The following LAPTM4B variants were observed in gnomAD, a reference collection of about 807,000 sequenced individuals.
LAPTM4B encodes the protein lysosomal protein transmembrane 4 beta, also known as lysosomal-associated transmembrane protein 4B.
Under a neutral mutation model 28.5 loss-of-function variants are expected in LAPTM4B, and 26 were observed. That is an observed-to-expected ratio of 0.91 (90% CI 0.67 to 1.27). The LOEUF is 1.27. Among genes scored for constraint, LAPTM4B ranks in the 50% most tolerant of loss-of-function variants. LAPTM4B has a pLI of 0.00. For missense variants in LAPTM4B, 288 were observed against 285.8 expected, an observed-to-expected ratio of 1.01 and a Z score of -0.06; for synonymous variants, 109 against 106.4, an observed-to-expected ratio of 1.02 and a Z score of -0.15.
intron 3 of LAPTM4B, 40 bp downstream of exon 3, chr8:97,815,441 C>CTCT: frequency 9.0e-6 from 12 of 1,338,882 alleles, no homozygotes; most frequent in Non-Finnish European, 1.3e-5. Flanking sequence ...TTTCCTTGGT[C>CTCT]TCTTACATGT....
At position 97,775,842 on chromosome 8, in the gene LAPTM4B, G is replaced by T; in HGVS notation, c.-168G>T. On this transcript the variant is annotated 5_prime_UTR_variant, in exon 1 of 7. Transcript: ENST00000521545. Reference sequence around the variant, plus strand: ...AGCGAAGGGTACCGACCCGGCAGAAGCTCGGAGCTCTCGGGGTATCGAGGA... The same window carrying T: ...AGCGAAGGGTACCGACCCGGCAGAATCTCGGAGCTCTCGGGGTATCGAGGA... The T allele has an allele frequency of 6.5e-7, 1 of 1,541,828 alleles. No individual in the cohort carries two copies. The highest frequency in any genetic ancestry group is 8.7e-7 in the Non-Finnish European group (1 of 1,149,582).
chr8:97,817,011 T>C (rs1038995556), intron 4 of LAPTM4B, among the ~76,000 whole-genome samples: 1 of 152,214 alleles, frequency 6.6e-6, no homozygotes, highest in African/African-American at 2.4e-5. Context: ...CAAATTTGTT[T>C]GACCATAGAA....
At chr8:97,808,531 A>G (rs892980049) in intron 2 of LAPTM4B, among the ~76,000 whole-genome samples, 9 of 152,206 alleles carry the variant, frequency 5.9e-5, no homozygotes, top group African/African-American at 1.9e-4. Flanking sequence ...GCTGTGTCCA[A>G]TAACCTTTGG....
intron 6 of LAPTM4B, among the ~76,000 whole-genome samples, chr8:97,843,671 T>G (rs1389244571): frequency 6.6e-6 from 1 of 152,050 alleles, no homozygotes; most frequent in Non-Finnish European, 1.5e-5. Context: ...TCCCAGCTAC[T>G]TGGGAGGCCG....
rs138361999 is a variant in LAPTM4B at position 97,825,153 on chromosome 8, G to A, written c.603G>A (p.Thr201=). 20 of 1,534,450 alleles carry A rather than the reference G, an allele frequency of 1.3e-5. No homozygotes were observed. Among genetic ancestry groups the A allele is most frequent in the South Asian group, 5.6e-5 (5 of 89,242 alleles). Residue 201 remains threonine (T), a splice_region_variant and synonymous_variant, in exon 6 of 7, where the codon ACG becomes ACA. Transcript: ENST00000521545. Reference sequence around the variant, plus strand: ...TTTATGTTACCAGCAATGACACTACGGTAGGTATGATGTCACTTATGGTAG... The same window carrying A: ...TTTATGTTACCAGCAATGACACTACAGTAGGTATGATGTCACTTATGGTAG... ...VLVYVTSNDT[T]VLLPPYDDAT...
rs568152979 is a variant in LAPTM4B at position 97,836,476 on chromosome 8, C to T, written c.603+11323C>T. 4.9e-4 allele frequency among the ~76,000 whole-genome samples: 75 copies of T among 152,154 alleles called. No individual in the cohort carries two copies. In the South Asian group the frequency reaches 5.4e-3, roughly 11 times the overall value. On this transcript the variant is annotated intron_variant, in intron 6 of 6. Transcript: ENST00000521545. ...GATTACAGGCGCGAGCTACTGTGCC[C>T]GGCCATAAATTAAGGTTTTAAAAAG...
At chr8:97,840,256 A>T (rs1359002088) in intron 6 of LAPTM4B, among the ~76,000 whole-genome samples, 1 of 152,204 alleles carries the variant, frequency 6.6e-6, no homozygotes, top group African/African-American at 2.4e-5. Flanking sequence ...GGGCCACTGT[A>T]TTGGTATTTT....
intron 1 of LAPTM4B, among the ~76,000 whole-genome samples, chr8:97,789,954 T>C (rs1031871579): frequency 2.0e-5 from 3 of 152,226 alleles, no homozygotes; most frequent in Admixed American, 6.5e-5. Flanking sequence ...CCCACAAATA[T>C]GTGAAAACAT....
At chr8:97,799,639 T>A (rs1816641361) in intron 1 of LAPTM4B, among the ~76,000 whole-genome samples, 1 of 152,212 alleles carries the variant, frequency 6.6e-6, no homozygotes, top group South Asian at 2.1e-4. Context: ...ATTGGATTCC[T>A]GCCTCTAATT....
intron 1 of LAPTM4B, among the ~76,000 whole-genome samples, chr8:97,795,499 T>C (rs539807689): frequency 6.6e-6 from 1 of 152,326 alleles, no homozygotes; most frequent in South Asian, 2.1e-4. Flanking sequence ...CTGTATCTTA[T>C]CACTCAAGAC....
rs552817128 is a variant in LAPTM4B, at chr8:97,823,340, T to G, written c.508-1718T>G. ...CCATGCGAATACAATCATCATACAA[T>G]ATGGTTTTTTTTTTTGTTTTTTTTT... is the stretch of plus-strand genomic sequence containing the variant. On this transcript the variant is annotated intron_variant, in intron 5 of 6. Coordinates refer to ENST00000521545, the MANE Select transcript of LAPTM4B (RefSeq NM_018407.6). Among the ~76,000 whole-genome samples, 13 of 94,124 alleles carry G rather than the reference T, an allele frequency of 1.4e-4. No homozygotes were observed. The South Asian group carries it at 4.3e-3, about 31-fold the overall frequency. 61.7% of individuals were successfully genotyped at this position (94,124 alleles called of 152,430 possible).
At chr8:97,777,876 T>G (rs1816250817) in intron 1 of LAPTM4B, among the ~76,000 whole-genome samples, 1 of 152,250 alleles carries the variant, frequency 6.6e-6, no homozygotes, top group African/African-American at 2.4e-5. Flanking sequence ...GACAGCCTGT[T>G]TTATACAAGT....
intron 5 of LAPTM4B, among the ~76,000 whole-genome samples, chr8:97,820,003 G>A (rs940110376): frequency 8.6e-5 from 13 of 152,046 alleles, no homozygotes; most frequent in African/African-American, 2.9e-4. Context: ...CCAAAGCTGG[G>A]ATTACAGGCA....
At chr8:97,776,160 C>T (rs760139205) in intron 1 of LAPTM4B, 52 bp downstream of exon 1, 7 of 1,497,748 alleles carry the variant, frequency 4.7e-6, no homozygotes, top group Middle Eastern at 2.3e-4. Flanking sequence ...GCGCCCCTAG[C>T]TGGGCTTCTG....
intron 1 of LAPTM4B, among the ~76,000 whole-genome samples, chr8:97,798,390 G>A (rs1342024995): frequency 1.3e-5 from 2 of 152,126 alleles, no homozygotes; most frequent in African/African-American, 2.4e-5. Context: ...TAGATATGTG[G>A]TGGTTCACAG....
At chr8:97,778,170 A>G (rs1364071877) in intron 1 of LAPTM4B, among the ~76,000 whole-genome samples, 1 of 152,216 alleles carries the variant, frequency 6.6e-6, no homozygotes, top group Admixed American at 6.5e-5. Context: ...TTGAAAGGTA[A>G]TTAGAAAGCT....
rs111503663 is a variant in LAPTM4B, at chr8:97,802,028, G to A, written c.100-3325G>A. Among the ~76,000 whole-genome samples the A allele has an allele frequency of 2.4e-3, 360 of 152,206 alleles. 1 individual carries two copies. Among genetic ancestry groups the A allele is most frequent in the African/African-American group, 8.4e-3 (348 of 41,522 alleles). Reference sequence around the variant, plus strand: ...TTGTTAATCACACTGTTTAAAATGTGCTATGAAATTTCTTGGATCTTTGGA... The same window carrying A: ...TTGTTAATCACACTGTTTAAAATGTACTATGAAATTTCTTGGATCTTTGGA... On this transcript the variant is annotated intron_variant, in intron 1 of 6. Coordinates refer to ENST00000521545, the MANE Select transcript of LAPTM4B (RefSeq NM_018407.6).
chr8:97,785,681 A>G (rs1053565360), intron 1 of LAPTM4B, among the ~76,000 whole-genome samples: 2 of 152,220 alleles, frequency 1.3e-5, no homozygotes, highest in African/African-American at 2.4e-5. Context: ...GTTGTTTGTC[A>G]GGAATTGTCC....
intron 1 of LAPTM4B, among the ~76,000 whole-genome samples, chr8:97,785,872 A>T (rs534622506): frequency 6.6e-6 from 1 of 152,232 alleles, no homozygotes; most frequent in Non-Finnish European, 1.5e-5. Flanking sequence ...TCTGGGCCTG[A>T]TAATAAAGAC....
Sources: allele counts gnomAD v4.1 joint callset (sites outside exome capture counted in the v4.1 genomes callset), GRCh38; gene constraint gnomAD v4.1.1; transcripts MANE v1.5; gene names NCBI Gene and HGNC (gene_info 2026-07-23, HGNC 2026-07-21).